BIK: variants seen among roughly 807,000 people sequenced by gnomAD.
The protein encoded by BIK is bcl-2-interacting killer.
A neutral mutation model predicts 12.1 loss-of-function variants in BIK; 14 were observed. The observed-to-expected ratio is 1.16, with a 90% CI of 0.77 to 1.81. The LOEUF is 1.81. BIK is among the 40% of genes most tolerant of loss of function. BIK has a pLI of 0.00. For synonymous variants in BIK, 86 were observed against 92.3 expected (o/e 0.93, Z 0.39); for missense variants, 215 against 207.9 (o/e 1.03, Z -0.21).
chr22:43,112,628 C>T (rs139709106), intron 1 of BIK, among the ~76,000 whole-genome samples: 3 of 151,274 alleles, frequency 2.0e-5, no homozygotes, highest in East Asian at 2.0e-4. Context: ...ACACATTTGA[C>T]TCGTGCCTGT....
intron 1 of BIK, among the ~76,000 whole-genome samples, chr22:43,122,405 G>A (rs573254924): frequency 1.2e-4 from 19 of 152,250 alleles, no homozygotes; most frequent in East Asian, 3.9e-4. Context: ...TCCTTATTTC[G>A]TCTTCCCAAT....
At chr22:43,113,880 C>T (rs1391787141) in intron 1 of BIK, among the ~76,000 whole-genome samples, 1 of 152,198 alleles carries the variant, frequency 6.6e-6, no homozygotes, top group Non-Finnish European at 1.5e-5. Context: ...GAGGAAGTCT[C>T]CGCACCAGTC....
At chr22:43,115,352 G>T (rs772811720) in intron 1 of BIK, among the ~76,000 whole-genome samples, 3 of 152,158 alleles carry the variant, frequency 2.0e-5, no homozygotes, top group Admixed American at 2.0e-4. Context: ...AGTTCATAGG[G>T]GAGACCCAAA....
At chr22:43,114,355 T>C (rs1262627838) in intron 1 of BIK, among the ~76,000 whole-genome samples, 4 of 152,096 alleles carry the variant, frequency 2.6e-5, no homozygotes, top group Admixed American at 6.6e-5. Flanking sequence ...CAGGCTGGAG[T>C]GCAGTGGTGT....
At chr22:43,115,123 G>A (rs754791894) in intron 1 of BIK, among the ~76,000 whole-genome samples, 2 of 152,178 alleles carry the variant, frequency 1.3e-5, no homozygotes, top group South Asian at 2.1e-4. Flanking sequence ...AACATTTAAC[G>A]AGACCTTGAT....
chr22:43,125,304 C>G (rs1214579015), intron 2 of BIK, among the ~76,000 whole-genome samples: 1 of 152,192 alleles, frequency 6.6e-6, no homozygotes, highest in African/African-American at 2.4e-5. Context: ...CTTAGAATTC[C>G]TAGCCTCCTG....
chr22:43,117,407 C>T (rs1056334952), intron 1 of BIK, among the ~76,000 whole-genome samples: 3 of 145,678 alleles, frequency 2.1e-5, no homozygotes, highest in East Asian at 2.0e-4. Context: ...CTCACTCTGT[C>T]GCCCAGACCG....
chr22:43,121,353 C>A (rs1930215713), intron 1 of BIK, among the ~76,000 whole-genome samples: 1 of 152,154 alleles, frequency 6.6e-6, no homozygotes, highest in South Asian at 2.1e-4. Context: ...GTCTTGCAGG[C>A]AGAGCGTGGG....
At chr22:43,129,093 C>T (rs1171228951) in intron 4 of BIK, 120 bp from the exon 5 acceptor site, 2 of 1,538,256 alleles carry the variant, frequency 1.3e-6, no homozygotes, top group Non-Finnish European at 1.8e-6. Flanking sequence ...TTCTCTGGTC[C>T]CCTCGAGCTC....
At chr22:43,111,330 G>A (rs1930006693) in intron 1 of BIK, among the ~76,000 whole-genome samples, 1 of 152,222 alleles carries the variant, frequency 6.6e-6, no homozygotes, top group Non-Finnish European at 1.5e-5. Context: ...GAAAGGCTTC[G>A]TAACGGGACG....
chr22:43,117,070 G>A (rs904878513), intron 1 of BIK, among the ~76,000 whole-genome samples: 1 of 152,174 alleles, frequency 6.6e-6, no homozygotes, highest in African/African-American at 2.4e-5. Flanking sequence ...AGCCGCAGGT[G>A]GGGGTGCCGT....
At chr22:43,113,901 T>TG (rs1930060376) in intron 1 of BIK, among the ~76,000 whole-genome samples, 1 of 152,208 alleles carries the variant, frequency 6.6e-6, no homozygotes, top group East Asian at 1.9e-4. Flanking sequence ...TTACTGTTGG[T>TG]GGTCACCAGG....
intron 1 of BIK, among the ~76,000 whole-genome samples, chr22:43,119,092 G>T (rs142728626): frequency 6.6e-6 from 1 of 151,488 alleles, no homozygotes. Flanking sequence ...CCTCAAGGCC[G>T]TGGGTGTGGT....
chr22:43,128,663 C>T (rs766362381), intron 4 of BIK, 38 bp downstream of exon 4: 30 of 1,573,134 alleles, frequency 1.9e-5, no homozygotes, highest in African/African-American at 4.1e-5. Flanking sequence ...ACTTGCGCTG[C>T]GGCCAGTGGG....
At chr22:43,114,237 G>A (rs1019984269) in intron 1 of BIK, among the ~76,000 whole-genome samples, 2 of 152,154 alleles carry the variant, frequency 1.3e-5, no homozygotes, top group Non-Finnish European at 2.9e-5. Context: ...GCAGCAAAGA[G>A]AGAAAAGCTC....
chr22:43,128,676 C>G (rs570427235), intron 4 of BIK, 51 bp downstream of exon 4: 1 of 1,559,196 alleles, frequency 6.4e-7, no homozygotes, highest in African/African-American at 1.4e-5. Context: ...CCAGTGGGGG[C>G]TGTCAGAGCC....
intron 1 of BIK, among the ~76,000 whole-genome samples, chr22:43,113,865 G>A (rs547531326): frequency 5.9e-5 from 9 of 152,320 alleles, no homozygotes; most frequent in Non-Finnish European, 1.2e-4. Flanking sequence ...AGTTTGAGCC[G>A]TATGGAGGAA....
chr22:43,111,316 C>G (rs1016492302), intron 1 of BIK, among the ~76,000 whole-genome samples: 1 of 152,168 alleles, frequency 6.6e-6, no homozygotes. Flanking sequence ...GAGGAAGGGC[C>G]GAGGAAAGGC....
rs34758003 is a variant in BIK at position 43,116,464 on chromosome 22, A to ATT, written c.-8+5673_-8+5674dup. On this transcript the variant is annotated intron_variant, in intron 1 of 4. Coordinates refer to ENST00000216115, the MANE Select transcript of BIK (RefSeq NM_001197.5). The stretch of plus-strand genomic sequence containing the variant: ...TGGGTAGGTTACATGTATTAAATGC[A>ATT]TTTTTTTTTTTTTGAGACAGTTTTG... 1.2e-4 allele frequency among the ~76,000 whole-genome samples: 17 copies of ATT among 143,590 alleles called. No homozygotes were observed. The East Asian group carries it at 1.2e-3, about 10-fold the overall frequency. The allele number at this position is 143,590 out of a possible 152,430, so 94.2% of individuals were successfully genotyped here. A position where few individuals can be genotyped will look rare whatever the true frequency, so the allele number is the denominator to read the frequency against.
Sources: gnomAD v4.1 joint callset for allele counts (sites outside exome capture counted in the v4.1 genomes callset) on GRCh38, gnomAD v4.1.1 for gene constraint, MANE v1.5 for transcripts, NCBI Gene and HGNC (gene_info 2026-07-23, HGNC 2026-07-21) for gene names.